The following SPAG16 variants were observed in gnomAD, a reference collection of about 807,000 sequenced individuals.
The protein encoded by SPAG16 is sperm associated antigen 16.
In SPAG16, 86 loss-of-function variants were observed where a neutral mutation model predicts 80.4. The ratio of observed to expected loss-of-function variants is 1.07; its 90% CI spans 0.90 to 1.28. The LOEUF (loss-of-function observed/expected upper bound fraction) is 1.28, where lower values mean the gene tolerates loss of function less well. Ranked by LOEUF, SPAG16 falls within the 50% of genes most tolerant of loss-of-function variation. The pLI, the probability that SPAG16 is intolerant of heterozygous loss-of-function variation, is 0.00. For synonymous variants in SPAG16, 294 were observed against 265.9 expected (o/e 1.11, Z -1.03); for missense variants, 870 against 765.3 (o/e 1.14, Z -1.61).
rs560460382 is a variant in SPAG16 at position 214,128,269 on chromosome 2, G to T, written c.1593+20008G>T. Among the ~76,000 whole-genome samples, 7 of 151,860 alleles carry T rather than the reference G, an allele frequency of 4.6e-5. No homozygotes were observed. In the South Asian group the frequency reaches 1.2e-3, roughly 27 times the overall value. On this transcript the variant is annotated intron_variant, in intron 14 of 15. Coordinates refer to ENST00000331683, the MANE Select transcript of SPAG16 (RefSeq NM_024532.5). ...TGTGTGTATGTGAATTGCCCAGTTG[G>T]GTGGCCACATTAATTGTGCATATGT...
intron 9 of SPAG16, among the ~76,000 whole-genome samples, chr2:213,486,712 A>G (rs2073993033): frequency 6.6e-6 from 1 of 152,130 alleles, no homozygotes; most frequent in African/African-American, 2.4e-5. Context: ...GGGATTCAGT[A>G]AGATTATGTC....
intron 15 of SPAG16, among the ~76,000 whole-genome samples, chr2:214,198,071 A>T (rs1279694032): frequency 6.6e-6 from 1 of 152,024 alleles, no homozygotes; most frequent in Non-Finnish European, 1.5e-5. Context: ...TGGTAGCAGA[A>T]TTGACCTCTT....
At chr2:214,020,639 C>G (rs894525975) in intron 13 of SPAG16, among the ~76,000 whole-genome samples, 1 of 152,058 alleles carries the variant, frequency 6.6e-6, no homozygotes, top group Non-Finnish European at 1.5e-5. Context: ...ACAAAAAATA[C>G]AAAACTCCTA....
chr2:214,248,595 G>T (rs753042684), intron 15 of SPAG16, among the ~76,000 whole-genome samples: 5 of 152,062 alleles, frequency 3.3e-5, no homozygotes, highest in African/African-American at 7.2e-5. Flanking sequence ...GGGATTACAG[G>T]TGTGAGCCAC....
intron 15 of SPAG16, chr2:214,280,543 A>G (rs570083166): frequency 4.2e-4 from 75 of 179,484 alleles, no homozygotes; most frequent in Non-Finnish European, 5.5e-4. Context: ...CAGAGTAGAG[A>G]TTACAGAAAT....
At chr2:213,574,833 A>C (rs1253863966) in intron 10 of SPAG16, among the ~76,000 whole-genome samples, 1 of 151,806 alleles carries the variant, frequency 6.6e-6, no homozygotes, top group African/African-American at 2.4e-5. Context: ...GCTCTTTATA[A>C]ACACACATCT....
rs376034064 is a variant in SPAG16 at position 214,074,934 on chromosome 2, T to C, written c.1528-33262T>C. ...TGGGAAAAGAATATTAATAATAGCATTATTTTCAATAGTCAAAACCTACAA... is the reference window on the plus strand; with the variant it reads ...TGGGAAAAGAATATTAATAATAGCACTATTTTCAATAGTCAAAACCTACAA... On this transcript the variant is annotated intron_variant, in intron 13 of 15. Coordinates refer to ENST00000331683, the MANE Select transcript of SPAG16 (RefSeq NM_024532.5). Among the ~76,000 whole-genome samples the C allele has an allele frequency of 2.0e-4, 31 of 152,226 alleles. No individual in the cohort carries two copies. In the East Asian group the frequency reaches 4.0e-3, roughly 20 times the overall value.
chr2:213,461,201 G>C (rs979792524), intron 9 of SPAG16, among the ~76,000 whole-genome samples: 3 of 152,140 alleles, frequency 2.0e-5, no homozygotes, highest in African/African-American at 7.2e-5. Context: ...ACTATGCAAT[G>C]ACACAATTGC....
rs189430335 is a variant in SPAG16 at position 213,702,412 on chromosome 2, G to T, written c.1071-160073G>T. Among the ~76,000 whole-genome samples, 7 of 152,226 alleles carry T rather than the reference G, an allele frequency of 4.6e-5. 1 individual carries two copies. The highest frequency in any genetic ancestry group is 1.7e-4 in the African/African-American group (7 of 41,546). On this transcript the variant is annotated intron_variant, in intron 10 of 15. Coordinates refer to ENST00000331683, the MANE Select transcript of SPAG16 (RefSeq NM_024532.5). ...TGGGTCCATGCAGCATTTATGAGCT[G>T]TAACACTCACCGCGAAGGTCTGCAC... is the stretch of plus-strand genomic sequence containing the variant.
intron 13 of SPAG16, among the ~76,000 whole-genome samples, chr2:214,086,522 T>G (rs1333547131): frequency 2.0e-5 from 3 of 152,018 alleles, no homozygotes; most frequent in African/African-American, 7.2e-5. Flanking sequence ...AGTGAGTGAG[T>G]TCTCATGAGA....
chr2:213,708,613 G>A (rs1041902208), intron 10 of SPAG16, among the ~76,000 whole-genome samples: 3 of 152,112 alleles, frequency 2.0e-5, no homozygotes, highest in African/African-American at 7.2e-5. Context: ...CAAACATGGT[G>A]AAACCCCTAC....
intron 14 of SPAG16, among the ~76,000 whole-genome samples, chr2:214,143,882 G>A (rs2055495928): frequency 6.6e-6 from 1 of 152,038 alleles, no homozygotes; most frequent in Admixed American, 6.6e-5. Context: ...ATGAGACTGG[G>A]CACAGTAGCT....
At position 213,867,749 on chromosome 2, in the gene SPAG16, C is replaced by T. The variant is rs571829623; in HGVS notation, c.1214+5121C>T. ...CATCCTGGCTAACACGGTGAATCCC[C>T]GTCTCCACTAAAAATACAAAAAAAA... On this transcript the variant is annotated intron_variant, in intron 11 of 15. Transcript: ENST00000331683. Among the ~76,000 whole-genome samples the T allele has an allele frequency of 1.4e-4, 19 of 139,822 alleles. No homozygotes were observed. In the South Asian group the frequency reaches 2.2e-3, roughly 16 times the overall value. 91.7% of individuals were successfully genotyped at this position (139,822 alleles called of 152,430 possible).
chr2:213,865,733 A>G (rs1452431728), intron 11 of SPAG16, among the ~76,000 whole-genome samples: 2 of 147,700 alleles, frequency 1.4e-5, no homozygotes, highest in Non-Finnish European at 3.0e-5. Context: ...ATACATATAA[A>G]TAATATACAT....
At chr2:213,924,675 T>G (rs1420781929) in intron 11 of SPAG16, among the ~76,000 whole-genome samples, 1 of 152,218 alleles carries the variant, frequency 6.6e-6, no homozygotes, top group Non-Finnish European at 1.5e-5. Flanking sequence ...TTGCTTTGTT[T>G]ACTCTCAATC....
intron 10 of SPAG16, among the ~76,000 whole-genome samples, chr2:213,593,869 G>T (rs1386041702): frequency 7.1e-6 from 1 of 140,466 alleles, no homozygotes; most frequent in Admixed American, 7.7e-5. Context: ...CCGCCTCCCC[G>T]GTTCCCGCTA....
chr2:214,157,580 T>C (rs1018145385), intron 15 of SPAG16, among the ~76,000 whole-genome samples: 40 of 152,058 alleles, frequency 2.6e-4, no homozygotes, highest in African/African-American at 8.9e-4. Context: ...TAGTCATAGT[T>C]GTGCAGTTTT....
intron 11 of SPAG16, among the ~76,000 whole-genome samples, chr2:213,897,757 C>T (rs1030640821): frequency 9.2e-5 from 14 of 152,142 alleles, no homozygotes; most frequent in East Asian, 1.9e-4. Flanking sequence ...GCTAACTGTT[C>T]CATAGCCAGT....
chr2:213,298,772 C>G (rs982733507), intron 3 of SPAG16, among the ~76,000 whole-genome samples: 1 of 152,124 alleles, frequency 6.6e-6, no homozygotes, highest in Non-Finnish European at 1.5e-5. Context: ...TTTATCATAA[C>G]CTTACATGAG....
Sources: gnomAD v4.1 joint callset for allele counts (sites outside exome capture counted in the v4.1 genomes callset) on GRCh38, gnomAD v4.1.1 for gene constraint, MANE v1.5 for transcripts, NCBI Gene and HGNC (gene_info 2026-07-23, HGNC 2026-07-21) for gene names.